Variants in NREP observed in about 807,000 individuals in gnomAD.
NREP encodes neuronal regeneration related protein, also known as neuronal regeneration-related protein.
Under a neutral mutation model 8.6 loss-of-function variants are expected in NREP, and 5 were observed. The ratio of observed to expected loss-of-function variants is 0.58; its 90% CI spans 0.30 to 1.22. NREP has a LOEUF of 1.22. NREP is among the 50% of genes most tolerant of loss of function. The pLI, the probability that NREP is intolerant of heterozygous loss-of-function variation, is 0.07. For missense variants in NREP, 86 were observed against 82.5 expected, an observed-to-expected ratio of 1.04 and a Z score of -0.17; for synonymous variants, 27 against 28.0, an observed-to-expected ratio of 0.96 and a Z score of 0.11.
intron 2 of NREP, among the ~76,000 whole-genome samples, chr5:111,936,250 T>C (rs547593007): frequency 5.9e-5 from 9 of 152,158 alleles, no homozygotes; most frequent in South Asian, 2.1e-4. Flanking sequence ...GGTGGCTGGA[T>C]TATGGGGGCA....
chr5:111,919,917 AAGAT>A (rs1755183909), intron 2 of NREP, among the ~76,000 whole-genome samples: 2 of 147,642 alleles, frequency 1.4e-5, no homozygotes, highest in African/African-American at 4.9e-5. Flanking sequence ...GAAAGAAAGA[AAGAT>A]CTGAACTGTC....
chr5:111,940,576 C>T (rs1235950279), intron 2 of NREP, among the ~76,000 whole-genome samples: 2 of 152,058 alleles, frequency 1.3e-5, no homozygotes, highest in Non-Finnish European at 2.9e-5. Flanking sequence ...CTCTACCACA[C>T]ACCACTCATC....
chr5:111,816,652 G>A (rs933445450), intron 2 of NREP, among the ~76,000 whole-genome samples: 6 of 143,406 alleles, frequency 4.2e-5, no homozygotes, highest in African/African-American at 1.0e-4. Context: ...AATAGAACAC[G>A]AACAATCAAC....
Position 111,871,649 on chromosome 5 carries a change from A to G in NREP, c.135+103625T>C, listed in dbSNP as rs1026134957. Among the ~76,000 whole-genome samples, 3 of 151,864 alleles carry G rather than the reference A, an allele frequency of 2.0e-5. No individual in the cohort carries two copies. The East Asian group carries it at 5.8e-4, about 29-fold the overall frequency. On this transcript the variant is annotated intron_variant, in intron 2 of 3. Transcript: ENST00000395634. ...TATCCTTATTCTATAAGTTTTTTCT[A>G]TTTTAAAAAAATCTTTTAAAACATT...
chr5:111,943,769 G>A (rs1755897561), intron 2 of NREP, among the ~76,000 whole-genome samples: 3 of 152,022 alleles, frequency 2.0e-5, no homozygotes, highest in Non-Finnish European at 2.9e-5. Flanking sequence ...AAATAAATAA[G>A]CCATACTTAA....
At chr5:111,788,898 A>G (rs773719242) in intron 2 of NREP, among the ~76,000 whole-genome samples, 6 of 152,216 alleles carry the variant, frequency 3.9e-5, no homozygotes, top group Non-Finnish European at 5.9e-5. Flanking sequence ...TAAAAATAAC[A>G]AAAAGCTGAC....
intron 2 of NREP, among the ~76,000 whole-genome samples, chr5:111,819,950 T>G (rs189447119): frequency 6.6e-6 from 1 of 152,194 alleles, no homozygotes; most frequent in East Asian, 1.9e-4. Flanking sequence ...AGCCTCACTT[T>G]CAGTAATTTA....
At chr5:111,791,926 A>T (rs1280212157) in intron 2 of NREP, among the ~76,000 whole-genome samples, 1 of 152,238 alleles carries the variant, frequency 6.6e-6, no homozygotes, top group African/African-American at 2.4e-5. Context: ...GACTTTTAAA[A>T]TGAGGATAAA....
intron 2 of NREP, among the ~76,000 whole-genome samples, chr5:111,830,157 TTTTTG>T (rs1029127569): frequency 5.3e-5 from 8 of 151,978 alleles, no homozygotes; most frequent in Admixed American, 2.6e-4. Flanking sequence ...TCAGCTGTTT[TTTTTG>T]TTGTTGTTGT....
intron 2 of NREP, among the ~76,000 whole-genome samples, chr5:111,898,467 G>T (rs1005046927): frequency 6.6e-6 from 1 of 152,218 alleles, no homozygotes; most frequent in Non-Finnish European, 1.5e-5. Context: ...TGTACAGCAG[G>T]TTGGGAGGAA....
chr5:111,957,367 A>G (rs575681891), intron 2 of NREP, among the ~76,000 whole-genome samples: 1 of 152,186 alleles, frequency 6.6e-6, no homozygotes, highest in African/African-American at 2.4e-5. Flanking sequence ...AAAAATCTCA[A>G]TGGAGAGTCA....
At chr5:111,890,025 C>T (rs1184954381) in intron 2 of NREP, among the ~76,000 whole-genome samples, 1 of 152,072 alleles carries the variant, frequency 6.6e-6, no homozygotes, top group East Asian at 1.9e-4. Context: ...AGGAACTGCC[C>T]ATTTTCACTT....
At chr5:111,890,282 A>G (rs1410650394) in intron 2 of NREP, among the ~76,000 whole-genome samples, 4 of 152,232 alleles carry the variant, frequency 2.6e-5, no homozygotes, top group African/African-American at 9.6e-5. Flanking sequence ...TAAGGGGTGA[A>G]TTCTCAAAGC....
chr5:111,896,735 G>C (rs1754520134), intron 2 of NREP, among the ~76,000 whole-genome samples: 1 of 152,122 alleles, frequency 6.6e-6, no homozygotes, highest in African/African-American at 2.4e-5. Context: ...CTGCTTAATA[G>C]GTTCCTTTTG....
chr5:111,843,275 TC>T (rs1185785514), intron 2 of NREP, among the ~76,000 whole-genome samples: 1 of 151,934 alleles, frequency 6.6e-6, no homozygotes, highest in Non-Finnish European at 1.5e-5. Context: ...ATTTTAAATG[TC>T]CTTTCTTCAA....
intron 2 of NREP, among the ~76,000 whole-genome samples, chr5:111,951,856 C>T (rs575810060): frequency 6.6e-6 from 1 of 151,950 alleles, no homozygotes; most frequent in Non-Finnish European, 1.5e-5. Context: ...GCGAGGTATG[C>T]CATATGTTTT....
At chr5:111,882,404 C>G (rs1263180026) in intron 2 of NREP, among the ~76,000 whole-genome samples, 2 of 152,182 alleles carry the variant, frequency 1.3e-5, no homozygotes, top group East Asian at 3.8e-4. Flanking sequence ...GGAAAACACT[C>G]TGCAGGATAT....
chr5:111,772,845 G>A (rs1221278946), intron 2 of NREP, among the ~76,000 whole-genome samples: 1 of 152,082 alleles, frequency 6.6e-6, no homozygotes, highest in South Asian at 2.1e-4. Context: ...TAATATAAAC[G>A]ATGCTGTGTT....
intron 2 of NREP, among the ~76,000 whole-genome samples, chr5:111,844,025 A>G (rs1335743738): frequency 4.6e-5 from 7 of 152,232 alleles, no homozygotes; most frequent in Non-Finnish European, 7.3e-5. Flanking sequence ...GGTTGAAAGT[A>G]AAAGGACAAG....
Sources: allele counts gnomAD v4.1 joint callset (sites outside exome capture counted in the v4.1 genomes callset), GRCh38; gene constraint gnomAD v4.1.1; transcripts MANE v1.5; gene names NCBI Gene and HGNC (gene_info 2026-07-23, HGNC 2026-07-21).